Variants in GPC5 observed in about 807,000 individuals in gnomAD.
The protein encoded by GPC5 is glypican-5.
In GPC5, 47 loss-of-function variants were observed where a neutral mutation model predicts 53.9. The ratio of observed to expected loss-of-function variants is 0.87; its 90% confidence interval spans 0.69 to 1.11. The LOEUF is 1.11. Ranked by LOEUF, GPC5 falls within the 50% of genes most tolerant of loss-of-function variation. GPC5 has a pLI of 0.00. For missense variants in GPC5, 748 were observed against 713.1 expected (o/e 1.05, Z -0.56); for synonymous variants, 286 against 263.3 (o/e 1.09, Z -0.84).
At chr13:91,766,556 T>A (rs1052583801) in intron 5 of GPC5, among the ~76,000 whole-genome samples, 1 of 152,162 alleles carries the variant, frequency 6.6e-6, no homozygotes, top group African/African-American at 2.4e-5. Context: ...GTGCATCACT[T>A]TTCTTAACTT....
chr13:91,803,221 A>G (rs1415208628), intron 5 of GPC5, among the ~76,000 whole-genome samples: 1 of 152,146 alleles, frequency 6.6e-6, no homozygotes, highest in Non-Finnish European at 1.5e-5. Flanking sequence ...AATTTAAATG[A>G]TTCACCCTGT....
intron 1 of GPC5, among the ~76,000 whole-genome samples, chr13:91,400,680 A>G (rs770155860): frequency 6.6e-6 from 1 of 152,156 alleles, no homozygotes; most frequent in Admixed American, 6.5e-5. Context: ...TTTGCCTGCT[A>G]TGTTCACCGA....
chr13:91,880,965 GT>G (rs2138949233), intron 5 of GPC5, among the ~76,000 whole-genome samples: 1 of 152,084 alleles, frequency 6.6e-6, no homozygotes, highest in Admixed American at 6.5e-5. Flanking sequence ...TAATTTTTGT[GT>G]TTTTAGTAGA....
intron 7 of GPC5, among the ~76,000 whole-genome samples, chr13:92,296,979 C>T (rs2043040680): frequency 6.6e-6 from 1 of 152,188 alleles, no homozygotes; most frequent in African/African-American, 2.4e-5. Context: ...TGGCCCGAGC[C>T]TCCCCGACGA....
intron 7 of GPC5, among the ~76,000 whole-genome samples, chr13:92,825,074 G>A (rs1362049184): frequency 2.0e-5 from 3 of 152,108 alleles, no homozygotes; most frequent in East Asian, 1.9e-4. Flanking sequence ...AAAAGTCTCC[G>A]GGAAAGGGAA....
chr13:91,398,992 G>C lies in GPC5; in HGVS notation c.-55G>C. 1 of 1,520,058 alleles carries C rather than the reference G, an allele frequency of 6.6e-7. No individual in the cohort carries two copies. The highest frequency in any genetic ancestry group is 1.2e-5 in the South Asian group (1 of 81,346). The allele number at this position is 1,520,058 out of a possible 1,614,324, so 94.2% of individuals were successfully genotyped here. On this transcript the variant is annotated 5_prime_UTR_variant, in exon 1 of 8. Transcript: ENST00000377067. ...TCTTCCACGTCTGCAGCTCAGCCAG[G>C]GCGCGCAGGGCGAGTGGGGTCCACT...
chr13:92,179,321 A>G (rs976123095), intron 7 of GPC5, among the ~76,000 whole-genome samples: 1 of 152,242 alleles, frequency 6.6e-6, no homozygotes, highest in African/African-American at 2.4e-5. Context: ...CCAGATGAGC[A>G]TGGCCCTCTT....
chr13:91,812,226 C>A (rs2038323650), intron 5 of GPC5, among the ~76,000 whole-genome samples: 1 of 152,110 alleles, frequency 6.6e-6, no homozygotes, highest in African/African-American at 2.4e-5. Flanking sequence ...ATAAAAATGT[C>A]TTTGCTTTTA....
At chr13:92,362,243 C>G (rs1432643394) in intron 7 of GPC5, among the ~76,000 whole-genome samples, 3 of 151,654 alleles carry the variant, frequency 2.0e-5, no homozygotes, top group Non-Finnish European at 4.4e-5. Flanking sequence ...TTTTATTAGA[C>G]TGTAAGAATT....
chr13:92,611,750 TC>T (rs1262327913), intron 7 of GPC5, among the ~76,000 whole-genome samples: 3 of 152,154 alleles, frequency 2.0e-5, no homozygotes, highest in African/African-American at 7.2e-5. Context: ...TTCTCTCTTT[TC>T]TTTTAAAAAG....
chr13:92,635,805 A>C (rs1032554444), intron 7 of GPC5, among the ~76,000 whole-genome samples: 12 of 152,230 alleles, frequency 7.9e-5, no homozygotes, highest in African/African-American at 2.7e-4. Flanking sequence ...CCTTCTGCCA[A>C]GCTTACATTC....
At chr13:92,054,149 G>GGTGTGTGTGT (rs141324926) in intron 6 of GPC5, among the ~76,000 whole-genome samples, 1 of 145,960 alleles carries the variant, frequency 6.9e-6, no homozygotes, top group African/African-American at 2.5e-5. Context: ...ACTTTGGAGG[G>GGTGTGTGTGT]GTGTGTGTGT....
intron 7 of GPC5, among the ~76,000 whole-genome samples, chr13:92,487,284 CAGG>C (rs1428022181): frequency 1.3e-5 from 2 of 152,120 alleles, no homozygotes; most frequent in Non-Finnish European, 1.5e-5. Context: ...CTGGTTTTCT[CAGG>C]AGACTATTTG....
At chr13:91,946,753 G>C (rs544544990) in intron 6 of GPC5, among the ~76,000 whole-genome samples, 1 of 151,898 alleles carries the variant, frequency 6.6e-6, no homozygotes, top group Admixed American at 6.6e-5. Context: ...CAAATCCTGG[G>C]GTTTATAGAT....
chr13:92,771,403 C>T (rs749336111), intron 7 of GPC5, among the ~76,000 whole-genome samples: 3 of 152,104 alleles, frequency 2.0e-5, no homozygotes, highest in Non-Finnish European at 2.9e-5. Context: ...AGTCCAGTGG[C>T]GTGATTTCGG....
At chr13:92,147,105 T>G (rs73620806) in intron 7 of GPC5, among the ~76,000 whole-genome samples, 2,300 of 151,924 alleles carry the variant, frequency 0.015, 70 homozygotes, top group African/African-American at 0.052. Flanking sequence ...TAAGAAAGTT[T>G]TTACTTTATT....
At chr13:92,820,590 T>C (rs1877640955) in intron 7 of GPC5, among the ~76,000 whole-genome samples, 2 of 152,158 alleles carry the variant, frequency 1.3e-5, no homozygotes, top group South Asian at 4.1e-4. Flanking sequence ...TTATCTGACC[T>C]TCACTAACCC....
chr13:92,189,596 C>A (rs930054835), intron 7 of GPC5, among the ~76,000 whole-genome samples: 1 of 152,148 alleles, frequency 6.6e-6, no homozygotes, highest in Non-Finnish European at 1.5e-5. Flanking sequence ...CGTGCACACA[C>A]ACACACACAC....
chr13:91,603,839 A>G (rs560894214), intron 2 of GPC5, among the ~76,000 whole-genome samples: 10 of 152,040 alleles, frequency 6.6e-5, no homozygotes, highest in South Asian at 6.2e-4. Flanking sequence ...AAATATCTTC[A>G]TCTATATTGG....
Sources: allele counts gnomAD v4.1 joint callset (sites outside exome capture counted in the v4.1 genomes callset), GRCh38; gene constraint gnomAD v4.1.1; transcripts MANE v1.5; gene names NCBI Gene and HGNC (gene_info 2026-07-23, HGNC 2026-07-21).